YY1AP1: variants seen among roughly 807,000 people sequenced by gnomAD.
YY1AP1 encodes the protein YY1-associated protein 1.
In YY1AP1, 43 loss-of-function variants were observed where a neutral mutation model predicts 39.9. That is an observed-to-expected ratio of 1.08 (90% CI 0.84 to 1.39). The LOEUF (loss-of-function observed/expected upper bound fraction) is 1.39, where lower values mean the gene tolerates loss of function less well. YY1AP1 is among the 40% of genes most tolerant of loss of function. YY1AP1 has a pLI of 0.00. For synonymous variants in YY1AP1, 292 were observed against 331.3 expected, an observed-to-expected ratio of 0.88 and a Z score of 1.29; for missense variants, 813 against 900.7, an observed-to-expected ratio of 0.90 and a Z score of 1.25.
intron 2 of YY1AP1, among the ~76,000 whole-genome samples, chr1:155,685,364 C>CTGTGTCTCTTCAAGCA (rs1374529783): frequency 6.6e-6 from 1 of 152,114 alleles, no homozygotes; most frequent in Non-Finnish European, 1.5e-5. Flanking sequence ...AGCACAGAGA[C>CTGTGTCTCTTCAAGCA]CATATATTAA....
At chr1:155,676,877 ACAGT>A (rs780197858) in intron 4 of YY1AP1, 131 bp from the exon 5 acceptor site, 1 of 878,876 alleles carries the variant, frequency 1.1e-6, no homozygotes, top group Non-Finnish European at 1.8e-6. Flanking sequence ...ACTTTAGCCA[ACAGT>A]CAAACTCCCA....
intron 3 of YY1AP1, 38 bp from the exon 4 acceptor site, chr1:155,679,550 G>T (rs1237993514): frequency 1.9e-6 from 3 of 1,613,778 alleles, no homozygotes; most frequent in Non-Finnish European, 2.5e-6. Flanking sequence ...CCTGGGGAAT[G>T]GGCTTTTGAA....
rs113976453 is a variant in YY1AP1 at position 155,668,275 on chromosome 1, C to G, written c.879+352G>C. Among the ~76,000 whole-genome samples the G allele has an allele frequency of 3.3e-5, 5 of 152,250 alleles. 1 individual carries two copies. Among genetic ancestry groups the G allele is most frequent in the African/African-American group, 1.2e-4 (5 of 41,540 alleles). On this transcript the variant is annotated intron_variant, in intron 9 of 10. Transcript: ENST00000355499. Reference sequence around the variant, plus strand: ...AAGATCATGCCACTATACTCCTGCACTCCAGCCTGGGTGACAGTGCAAGAT... The same window carrying G: ...AAGATCATGCCACTATACTCCTGCAGTCCAGCCTGGGTGACAGTGCAAGAT...
intron 2 of YY1AP1, among the ~76,000 whole-genome samples, chr1:155,681,567 C>T (rs965253298): frequency 6.6e-5 from 10 of 151,606 alleles, no homozygotes; most frequent in African/African-American, 2.2e-4. Context: ...CCAGCCTGAA[C>T]GACAGAGCAA....
chr1:155,674,259 G>GGATAAT (rs1324573900), intron 6 of YY1AP1, among the ~76,000 whole-genome samples: 1 of 151,168 alleles, frequency 6.6e-6, no homozygotes. Flanking sequence ...CTTCATGAAT[G>GGATAAT]GATAATGAAT....
intron 6 of YY1AP1, among the ~76,000 whole-genome samples, chr1:155,673,317 A>G (rs560893103): frequency 1.3e-5 from 2 of 152,144 alleles, no homozygotes; most frequent in African/African-American, 4.8e-5. Flanking sequence ...CCCGACCAGG[A>G]CCATTACTTT....
chr1:155,671,081 T>A (rs1268356358), intron 7 of YY1AP1: 1 of 152,492 alleles, frequency 6.6e-6, no homozygotes, highest in Non-Finnish European at 1.5e-5. Context: ...TTTACCTCCT[T>A]TCCCCTTTAA....
At chr1:155,679,021 T>C in intron 4 of YY1AP1, 1 of 785,414 alleles carries the variant, frequency 1.3e-6, no homozygotes, top group South Asian at 2.0e-5. Context: ...CCTAGGTGAC[T>C]AACAAATTTT....
intron 9 of YY1AP1, among the ~76,000 whole-genome samples, chr1:155,663,676 G>A (rs1007438481): frequency 3.3e-5 from 5 of 152,068 alleles, no homozygotes; most frequent in South Asian, 2.1e-4. Flanking sequence ...CCAAGATCAC[G>A]CCATTGCACT....
At chr1:155,663,981 C>T (rs1192806839) in intron 9 of YY1AP1, among the ~76,000 whole-genome samples, 4 of 149,456 alleles carry the variant, frequency 2.7e-5, no homozygotes, top group Non-Finnish European at 5.9e-5. Flanking sequence ...TTGAGACCAG[C>T]CTGGCCAACA....
At chr1:155,667,801 G>A (rs112606259) in intron 9 of YY1AP1, among the ~76,000 whole-genome samples, 1 of 152,010 alleles carries the variant, frequency 6.6e-6, no homozygotes, top group Non-Finnish European at 1.5e-5. Context: ...CAGCCTGGGG[G>A]TCAAGAGCGA....
At chr1:155,674,928 C>T in intron 6 of YY1AP1, 82 bp downstream of exon 6, 1 of 1,277,608 alleles carries the variant, frequency 7.8e-7, no homozygotes, top group East Asian at 2.4e-5. Flanking sequence ...TCAAAAATAC[C>T]TGAGAGAATA....
chr1:155,663,264 G>A (rs567287667), intron 9 of YY1AP1, among the ~76,000 whole-genome samples: 2 of 151,678 alleles, frequency 1.3e-5, no homozygotes, highest in South Asian at 2.1e-4. Context: ...TCAGCTACTC[G>A]GGAGGCTGAG....
chr1:155,679,977 T>A, intron 3 of YY1AP1: 1 of 266,282 alleles, frequency 3.8e-6, no homozygotes, highest in Non-Finnish European at 7.0e-6. Context: ...TACTTGAGCC[T>A]ATGAGTTCCA....
chr1:155,660,701 A>G lies in YY1AP1; in HGVS notation c.1209T>C (p.Ala403=), dbSNP rs770665818. The change falls in exon 11 of 11, where the codon GCT becomes GCC. Residue 403 remains alanine (A), a synonymous_variant. Coordinates refer to ENST00000355499, the MANE Select transcript of YY1AP1 (RefSeq NM_139119.3). ...GGACTGATGAACGCTTCTGTCTCCAAGCCTTCTTGGGGAAACGGTCGGCAA... is the reference window on the plus strand; with the variant it reads ...GGACTGATGAACGCTTCTGTCTCCAGGCCTTCTTGGGGAAACGGTCGGCAA... ...KPVADRFPKK[A]WRQKRSSVLK... The G allele has an allele frequency of 6.2e-7, 1 of 1,614,090 alleles. No individual in the cohort carries two copies. Among genetic ancestry groups the G allele is most frequent in the East Asian group, 2.2e-5 (1 of 44,900 alleles).
intron 6 of YY1AP1, among the ~76,000 whole-genome samples, chr1:155,673,631 C>T (rs766100574): frequency 6.6e-5 from 10 of 152,218 alleles, no homozygotes; most frequent in Admixed American, 6.5e-5. Context: ...ACAGTCTCAA[C>T]GTCCCAGGCT....
At chr1:155,669,954 G>A (rs1448598560) in intron 8 of YY1AP1, among the ~76,000 whole-genome samples, 1 of 152,168 alleles carries the variant, frequency 6.6e-6, no homozygotes, top group Admixed American at 6.6e-5. Context: ...GATCCCAGGA[G>A]TTCAAGGCTG....
At position 155,676,737 on chromosome 1, in the gene YY1AP1, T is replaced by C. The variant is rs537127866; in HGVS notation, c.135A>G (p.Glu45=). 2 of 1,614,126 alleles carry C rather than the reference T, an allele frequency of 1.2e-6. No individual in the cohort carries two copies. Among genetic ancestry groups the C allele is most frequent in the African/African-American group, 2.7e-5 (2 of 75,068 alleles). ...GTTCATTTAGTAGGTTGGCCAGTAG[T>C]TCCTCAAACCTATCCCAAACGGGGA... is the stretch of plus-strand genomic sequence containing the variant. ...FNTPQALRFE[E]LLANLLNEQH... Residue 45 remains glutamate, a synonymous_variant, in exon 5 of 11, where the codon GAA becomes GAG. Coordinates refer to ENST00000355499, the MANE Select transcript of YY1AP1 (RefSeq NM_139119.3).
intron 3 of YY1AP1, chr1:155,680,078 T>C (rs1345945725): frequency 2.0e-5 from 5 of 247,706 alleles, no homozygotes; most frequent in Admixed American, 5.2e-5. Flanking sequence ...TCAGGAGGCT[T>C]AGATGAGAGA....
Sources: allele counts gnomAD v4.1 joint callset (sites outside exome capture counted in the v4.1 genomes callset), GRCh38; gene constraint gnomAD v4.1.1; transcripts MANE v1.5; gene names NCBI Gene and HGNC (gene_info 2026-07-23, HGNC 2026-07-21).